ACACA: variants seen among roughly 807,000 people sequenced by gnomAD.
ACACA encodes the protein acetyl-CoA carboxylase alpha.
In ACACA, 103 loss-of-function variants were observed where a neutral mutation model predicts 296.1. That is an observed-to-expected ratio of 0.35 (90% CI 0.30 to 0.41). The LOEUF (loss-of-function observed/expected upper bound fraction) is 0.41, where lower values mean the gene tolerates loss of function less well. Ranked by LOEUF, ACACA falls within the 10% of genes least tolerant of loss-of-function variation. ACACA has a pLI of 1.00. For missense variants in ACACA, 1,554 were observed against 2,989.7 expected (o/e 0.52, Z 11.20); for synonymous variants, 953 against 1,038.6 (o/e 0.92, Z 1.58).
Position 37,339,755 on chromosome 17 carries a change from A to T in ACACA, c.85+49T>A, listed in dbSNP as rs759806291. 4 of 1,169,708 alleles carry T rather than the reference A, an allele frequency of 3.4e-6. No homozygotes were observed. In the South Asian group the frequency reaches 5.1e-5, roughly 15 times the overall value. The allele number at this position is 1,169,708 out of a possible 1,614,324, so 72.5% of individuals were successfully genotyped here. On this transcript the variant is annotated intron_variant, in intron 2 of 55. Transcript: ENST00000616317. ...CTACAGTTTGATATTTTACAACATGAACAAAATTTTTATCACATTGTAAAC... is the reference window on the plus strand; with the variant it reads ...CTACAGTTTGATATTTTACAACATGTACAAAATTTTTATCACATTGTAAAC...
chr17:37,151,186 C>T, intron 44 of ACACA, 115 bp downstream of exon 44: 2 of 1,159,894 alleles, frequency 1.7e-6, no homozygotes, highest in South Asian at 1.3e-5. Context: ...TAATTATAGA[C>T]ATACAATCTT....
intron 41 of ACACA, among the ~76,000 whole-genome samples, chr17:37,173,469 T>G (rs955264015): frequency 6.6e-6 from 1 of 152,178 alleles, no homozygotes; most frequent in Non-Finnish European, 1.5e-5. Flanking sequence ...AACTCCTAAA[T>G]TGTTTTTTTG....
intron 1 of ACACA, among the ~76,000 whole-genome samples, chr17:37,402,703 C>T (rs530525651): frequency 5.9e-5 from 9 of 151,794 alleles, no homozygotes; most frequent in South Asian, 2.1e-4. Context: ...GACAGAGTCT[C>T]GCTCTGTTGC....
chr17:37,132,977 G>A (rs760321245), intron 45 of ACACA, among the ~76,000 whole-genome samples: 1 of 152,130 alleles, frequency 6.6e-6, no homozygotes, highest in Non-Finnish European at 1.5e-5. Context: ...GTTCTGAAAA[G>A]GCAGCAGTAT....
At chr17:37,098,208 T>C (rs1444122864) in intron 52 of ACACA, among the ~76,000 whole-genome samples, 3 of 152,212 alleles carry the variant, frequency 2.0e-5, no homozygotes, top group Non-Finnish European at 4.4e-5. Flanking sequence ...CTTTTCCCTG[T>C]GGCAGTCACA....
intron 40 of ACACA, 91 bp from the exon 41 acceptor site, chr17:37,179,497 T>C (rs537351324): frequency 9.4e-5 from 135 of 1,442,576 alleles, no homozygotes; most frequent in Non-Finnish European, 1.2e-4. Flanking sequence ...TGGTTTTGCC[T>C]TCTTTTCCAA....
chr17:37,130,114 C>A lies in ACACA; in HGVS notation c.5784G>T (p.Gly1928=). The A allele has an allele frequency of 6.2e-7, 1 of 1,614,132 alleles. No individual in the cohort carries two copies. The highest frequency in any genetic ancestry group is 8.5e-7 in the Non-Finnish European group (1 of 1,180,016). Residue 1928 remains glycine (G), a synonymous_variant, in exon 46 of 56, where the codon GGG becomes GGT. Coordinates refer to ENST00000616317, the MANE Select transcript of ACACA (RefSeq NM_198834.3). ...ACAGCCAGTGCAGGACAGTGAAAAC[C>A]CCTTCAAAGTCATCACACACAGTGC... ...THCTVCDDFE[G]VFTVLHWLSY... is the part of the protein sequence containing the mutation.
intron 52 of ACACA, among the ~76,000 whole-genome samples, chr17:37,110,078 A>T (rs2073901469): frequency 6.6e-6 from 1 of 152,250 alleles, no homozygotes; most frequent in Non-Finnish European, 1.5e-5. Context: ...GCAAAAAGAA[A>T]AAAAAAAGGG....
intron 54 of ACACA, among the ~76,000 whole-genome samples, chr17:37,090,923 G>GAA (rs755698651): frequency 7.2e-6 from 1 of 139,492 alleles, no homozygotes. Context: ...TTTCAGAATG[G>GAA]AAAAAAAAAA....
chr17:37,338,423 G>A (rs866957414), intron 2 of ACACA, among the ~76,000 whole-genome samples: 94 of 151,012 alleles, frequency 6.2e-4, no homozygotes, highest in African/African-American at 2.1e-3. Flanking sequence ...TTGGGAGGCC[G>A]AGGCAGGTAG....
At chr17:37,255,047 G>A (rs113836790) in intron 14 of ACACA, among the ~76,000 whole-genome samples, 4,864 of 151,834 alleles carry the variant, frequency 0.032, 212 homozygotes, top group African/African-American at 0.097. Flanking sequence ...GTTGCAGTGA[G>A]CTGAGATCGT....
chr17:37,144,242 G>A, intron 45 of ACACA: 1 of 696,708 alleles, frequency 1.4e-6, no homozygotes, highest in South Asian at 1.4e-5. Flanking sequence ...CACAAAAAAT[G>A]CGTATGACAA....
At chr17:37,089,994 T>C (rs1309532068) in intron 54 of ACACA, among the ~76,000 whole-genome samples, 1 of 152,250 alleles carries the variant, frequency 6.6e-6, no homozygotes. Context: ...AGGTGCGCTA[T>C]CCTTCTCTGT....
At chr17:37,098,074 C>T in intron 52 of ACACA, 90 bp from the exon 53 acceptor site, 2 of 1,512,636 alleles carry the variant, frequency 1.3e-6, no homozygotes, top group Non-Finnish European at 1.8e-6. Context: ...AGCTCAACAT[C>T]AGCCTGCCCC....
chr17:37,350,348 C>T lies in ACACA; in HGVS notation c.39-10498G>A, dbSNP rs866900405. ...CGTCTCAAAAAAAGAAAAAAAAAAC[C>T]AAAAAAAAAAACCCAGAAAAAATTA... On this transcript the variant is annotated intron_variant, in intron 1 of 55. Coordinates refer to ENST00000616317, the MANE Select transcript of ACACA (RefSeq NM_198834.3). Among the ~76,000 whole-genome samples, 9 of 138,596 alleles carry T rather than the reference C, an allele frequency of 6.5e-5. No individual in the cohort carries two copies. In the East Asian group the frequency reaches 1.9e-3, roughly 29 times the overall value. 90.9% of individuals were successfully genotyped at this position (138,596 alleles called of 152,430 possible).
chr17:37,226,291 A>T (rs774812092), intron 26 of ACACA, 48 bp downstream of exon 26: 6 of 1,399,988 alleles, frequency 4.3e-6, no homozygotes, highest in Middle Eastern at 1.8e-4. Context: ...GGACTGCCTG[A>T]TCTATGAAAG....
chr17:37,402,068 C>CAA (rs1391120259), intron 1 of ACACA, among the ~76,000 whole-genome samples: 1 of 152,114 alleles, frequency 6.6e-6, no homozygotes. Flanking sequence ...TCCTGAAGGT[C>CAA]AATCTTCAAA....
At chr17:37,328,473 C>T (rs1207431265) in intron 3 of ACACA, among the ~76,000 whole-genome samples, 3 of 152,144 alleles carry the variant, frequency 2.0e-5, no homozygotes, top group Non-Finnish European at 4.4e-5. Flanking sequence ...AATTATCTCT[C>T]TGGTTTATTA....
chr17:37,349,142 C>A (rs1400757841), intron 1 of ACACA, among the ~76,000 whole-genome samples: 2 of 150,592 alleles, frequency 1.3e-5, no homozygotes, highest in Non-Finnish European at 3.0e-5. Context: ...CTCACTGCAA[C>A]CTCCACCTCC....
Sources: gnomAD v4.1 joint callset for allele counts (sites outside exome capture counted in the v4.1 genomes callset) on GRCh38, gnomAD v4.1.1 for gene constraint, MANE v1.5 for transcripts, NCBI Gene and HGNC (gene_info 2026-07-23, HGNC 2026-07-21) for gene names.